The following GCSAML variants were observed in gnomAD, a reference collection of about 807,000 sequenced individuals.
GCSAML encodes the protein germinal center-associated signaling and motility-like protein.
In GCSAML, 9 loss-of-function variants were observed where a neutral mutation model predicts 13.0. The ratio of observed to expected loss-of-function variants is 0.69; its 90% confidence interval spans 0.42 to 1.21. The LOEUF is 1.21. Among genes scored for constraint, GCSAML ranks in the 50% most tolerant of loss-of-function variants. The pLI, the probability that GCSAML is intolerant of heterozygous loss-of-function variation, is 0.00. For synonymous variants in GCSAML, 37 were observed against 52.9 expected (o/e 0.70, Z 1.31); for missense variants, 143 against 153.4 (o/e 0.93, Z 0.36).
chr1:247,538,669 T>C lies in GCSAML; in HGVS notation c.-147-10376T>C, dbSNP rs971221518. Reference sequence around the variant, plus strand: ...ACCCCAGTCTCTTTCTTTCCACACATGCACAGAGGAAAGGCCAGATGAGGA... The same window carrying C: ...ACCCCAGTCTCTTTCTTTCCACACACGCACAGAGGAAAGGCCAGATGAGGA... On this transcript the variant is annotated intron_variant, in intron 2 of 5. Transcript: ENST00000366489. The C allele has an allele frequency of 2.7e-5, 12 of 452,678 alleles. No homozygotes were observed. The East Asian group carries it at 3.5e-4, about 13-fold the overall frequency. 28.0% of individuals were successfully genotyped at this position (452,678 alleles called of 1,614,324 possible). A position where few individuals can be genotyped will look rare whatever the true frequency, so the allele number is the denominator to read the frequency against.
chr1:247,571,326 A>T (rs1328843883), intron 4 of GCSAML, among the ~76,000 whole-genome samples: 1 of 152,140 alleles, frequency 6.6e-6, no homozygotes, highest in East Asian at 1.9e-4. Flanking sequence ...TTGTTTTTGC[A>T]GTGGGTGGTA....
intron 2 of GCSAML, among the ~76,000 whole-genome samples, chr1:247,562,400 G>C (rs1211041199): frequency 6.6e-6 from 1 of 152,092 alleles, no homozygotes; most frequent in Non-Finnish European, 1.5e-5. Flanking sequence ...TGCTTCCCAG[G>C]CTCCTTATTT....
At chr1:247,512,737 C>A (rs1572277036) in intron 1 of GCSAML, among the ~76,000 whole-genome samples, 1 of 152,104 alleles carries the variant, frequency 6.6e-6, no homozygotes, top group East Asian at 1.9e-4. Flanking sequence ...TTCCTTTCTG[C>A]TTGTTAGTTT....
At chr1:247,563,719 A>T in intron 3 of GCSAML, 80 bp downstream of exon 3, 2 of 727,418 alleles carry the variant, frequency 2.7e-6, no homozygotes, top group Non-Finnish European at 2.3e-6. Context: ...TCTTGAGCCT[A>T]TTGTAATAAC....
At chr1:247,555,986 C>G (rs959811071) in intron 1 of GCSAML, among the ~76,000 whole-genome samples, 11 of 152,202 alleles carry the variant, frequency 7.2e-5, no homozygotes, top group Non-Finnish European at 1.0e-4. Flanking sequence ...GACGCTTGCT[C>G]TGGTTCAGTG....
At chr1:247,554,011 A>T (rs946999380) in intron 1 of GCSAML, among the ~76,000 whole-genome samples, 7 of 152,178 alleles carry the variant, frequency 4.6e-5, no homozygotes, top group Non-Finnish European at 7.3e-5. Flanking sequence ...ATCTATTTTC[A>T]TGATCGAGTT....
chr1:247,517,556 TTTAC>T (rs1335396002), intron 1 of GCSAML, among the ~76,000 whole-genome samples: 2 of 152,232 alleles, frequency 1.3e-5, no homozygotes, highest in African/African-American at 2.4e-5. Context: ...TTTAATATTA[TTTAC>T]TTATTTCTGA....
chr1:247,546,721 C>T (rs1193581472), upstream of GCSAML, among the ~76,000 whole-genome samples: 1 of 151,932 alleles, frequency 6.6e-6, no homozygotes, highest in Non-Finnish European at 1.5e-5. Flanking sequence ...AAGGATGATC[C>T]TATTTTTGGA....
At chr1:247,553,486 T>G (rs1667849016) in intron 1 of GCSAML, among the ~76,000 whole-genome samples, 1 of 152,228 alleles carries the variant, frequency 6.6e-6, no homozygotes, top group Admixed American at 6.5e-5. Flanking sequence ...TCATAATAAT[T>G]TTTTTCTAAA....
intron 4 of GCSAML, among the ~76,000 whole-genome samples, chr1:247,573,205 C>A (rs1398055187): frequency 1.3e-5 from 2 of 152,108 alleles, no homozygotes; most frequent in African/African-American, 4.8e-5. Flanking sequence ...GTGTTCCAGG[C>A]ACCACTGAGG....
intron 2 of GCSAML, chr1:247,531,514 A>G (rs901450634): frequency 1.3e-5 from 20 of 1,594,864 alleles, no homozygotes; most frequent in Non-Finnish European, 1.7e-5. Context: ...GCTCGATGTA[A>G]ACTTGATCTT....
At chr1:247,551,158 C>T (rs1339379676) in intron 1 of GCSAML, among the ~76,000 whole-genome samples, 4 of 152,044 alleles carry the variant, frequency 2.6e-5, no homozygotes, top group African/African-American at 7.2e-5. Context: ...GCACAAACAG[C>T]GCACTGTAGA....
intron 1 of GCSAML, among the ~76,000 whole-genome samples, chr1:247,555,460 A>G (rs1424887205): frequency 6.6e-6 from 1 of 152,242 alleles, no homozygotes; most frequent in Admixed American, 6.5e-5. Flanking sequence ...CCACCTCTGT[A>G]AATTGATATT....
At chr1:247,561,068 C>T (rs1668110214) in intron 2 of GCSAML, among the ~76,000 whole-genome samples, 1 of 152,140 alleles carries the variant, frequency 6.6e-6, no homozygotes, top group Non-Finnish European at 1.5e-5. Flanking sequence ...ATTCTCCCAC[C>T]TCAGCCTCCC....
intron 2 of GCSAML, among the ~76,000 whole-genome samples, chr1:247,541,069 G>A (rs1250073431): frequency 6.6e-6 from 1 of 152,110 alleles, no homozygotes; most frequent in Admixed American, 6.5e-5. Flanking sequence ...CACTACTCAA[G>A]CCTTTTATTT....
intron 1 of GCSAML, among the ~76,000 whole-genome samples, chr1:247,507,722 T>C (rs1665879198): frequency 6.6e-6 from 1 of 152,114 alleles, no homozygotes; most frequent in African/African-American, 2.4e-5. Context: ...CCTCCTTGTG[T>C]CCATGTGTTC....
chr1:247,568,255 T>G (rs570472075), intron 4 of GCSAML, among the ~76,000 whole-genome samples: 1 of 152,352 alleles, frequency 6.6e-6, no homozygotes, highest in South Asian at 2.1e-4. Flanking sequence ...TGCCCATGCC[T>G]ATGTCCTGAA....
chr1:247,574,301 A>T lies in GCSAML; in HGVS notation c.327A>T (p.Glu109Asp). ...AGTTTAGAGAAAGGTCAGAGACAGA[A>T]TATGCCCTTCTTAGGACTTCTGTTA... The part of the protein sequence containing the change: ...VRQFRERSET[E>D]YALLRTSVSR... The change falls in exon 5 of 5, where the codon GAA (glutamate) becomes GAT (aspartate). Residue 109 changes from glutamate (E) to aspartate (D), a missense_variant. Transcript: ENST00000366488. 1 of 1,614,110 alleles carries T rather than the reference A, an allele frequency of 6.2e-7. No homozygotes were observed. Among genetic ancestry groups the T allele is most frequent in the Non-Finnish European group, 8.5e-7 (1 of 1,179,984 alleles).
At position 247,574,308 on chromosome 1, in the gene GCSAML, C is replaced by A. The variant is rs773862276; in HGVS notation, c.334C>A (p.Leu112Ile). The change falls in exon 5 of 5, where the codon CTT becomes ATT. Residue 112 changes from leucine to isoleucine, a missense_variant. Leu to Ile is a conservative substitution (Grantham distance 5). Transcript: ENST00000366488. ...AGAAAGGTCAGAGACAGAATATGCC[C>A]TTCTTAGGACTTCTGTTAGTAGGCC... ...FRERSETEYA[L>I]LRTSVSRPCS... is the part of the protein sequence containing the mutation. 6.2e-7 allele frequency: 1 copy of A among 1,613,928 alleles called. No homozygotes were observed. The highest frequency in any genetic ancestry group is 8.5e-7 in the Non-Finnish European group (1 of 1,179,862).
Sources: gnomAD v4.1 joint callset for allele counts (sites outside exome capture counted in the v4.1 genomes callset) on GRCh38, gnomAD v4.1.1 for gene constraint, MANE v1.5 for transcripts, NCBI Gene and HGNC (gene_info 2026-07-23, HGNC 2026-07-21) for gene names.